Variants in SPACA1 observed in about 807,000 individuals in gnomAD.
The protein encoded by SPACA1 is sperm acrosome associated 1.
Under a neutral mutation model 32.6 loss-of-function variants are expected in SPACA1, and 17 were observed. The ratio of observed to expected loss-of-function variants is 0.52; its 90% CI spans 0.36 to 0.78. The LOEUF is 0.78. SPACA1 is among the 30% of genes least tolerant of loss of function. SPACA1 has a pLI of 0.01. For synonymous variants in SPACA1, 140 were observed against 138.1 expected, an observed-to-expected ratio of 1.01 and a Z score of -0.10; for missense variants, 363 against 373.4, an observed-to-expected ratio of 0.97 and a Z score of 0.23.
Position 88,066,351 on chromosome 6 carries a change from TAAC to T in SPACA1, c.*19_*21del. 2 of 1,593,984 alleles carry T rather than the reference TAAC, an allele frequency of 1.3e-6. No homozygotes were observed. Among genetic ancestry groups the T allele is most frequent in the South Asian group, 2.3e-5 (2 of 88,274 alleles). ...GAATGAATGATGTTTGAATGATATA[TAAC>T]AAACCAAAGGATATTACAGAATATT... On this transcript the variant is annotated 3_prime_UTR_variant, in exon 7 of 7. Coordinates refer to ENST00000237201, the MANE Select transcript of SPACA1 (RefSeq NM_030960.3).
rs1775821745 is a variant in SPACA1 at position 88,057,136 on chromosome 6, T to C, written c.266-476T>C. On this transcript the variant is annotated intron_variant, in intron 2 of 6. Coordinates refer to ENST00000237201, the MANE Select transcript of SPACA1 (RefSeq NM_030960.3). The stretch of plus-strand genomic sequence containing the variant: ...GAATTTATGGACTGTAAGAAGTACA[T>C]TTTATGTACTCTAAAAAGGAAAAAT... 3.9e-5 allele frequency among the ~76,000 whole-genome samples: 6 copies of C among 152,344 alleles called. No homozygotes were observed. In the South Asian group the frequency reaches 1.2e-3, roughly 32 times the overall value.
At chr6:88,049,468 T>C (rs1775696485) in intron 1 of SPACA1, among the ~76,000 whole-genome samples, 1 of 152,332 alleles carries the variant, frequency 6.6e-6, no homozygotes, top group South Asian at 2.1e-4. Context: ...GTGCTTTTTC[T>C]TGGGGAGCGA....
At chr6:88,048,212 C>T in intron 1 of SPACA1, 99 bp downstream of exon 1, 2 of 1,230,918 alleles carry the variant, frequency 1.6e-6, no homozygotes, top group Non-Finnish European at 2.2e-6. Context: ...GTGTTAACGT[C>T]AGGAGAGCTC....
chr6:88,065,179 C>A (rs890555374), intron 6 of SPACA1, among the ~76,000 whole-genome samples: 1 of 147,800 alleles, frequency 6.8e-6, no homozygotes, highest in Non-Finnish European at 1.5e-5. Flanking sequence ...TGTATACAAA[C>A]GTGTATTATG....
At chr6:88,064,064 T>C (rs1244715885) in intron 5 of SPACA1, 35 bp from the exon 6 acceptor site, 2 of 1,595,332 alleles carry the variant, frequency 1.3e-6, no homozygotes, top group Non-Finnish European at 1.7e-6. Flanking sequence ...TTTTCCTCAG[T>C]AGTAATACTC....
In SPACA1 at chr6:88,048,032, C is replaced by T. The variant is rs1459961259; in HGVS notation, c.127C>T (p.His43Tyr). ...TGCCGTCCAGGATGCCGGCCTGGCC[C>T]ACGAAGGCGAGGGCGAGGAGGAGAC... is the stretch of plus-strand genomic sequence containing the variant. ...TAAVQDAGLAHEGEGEEETEN... is the reference protein window; with the variant it reads ...TAAVQDAGLAYEGEGEEETEN... The change falls in exon 1 of 7, where the codon CAC (histidine) becomes TAC (tyrosine). Residue 43 changes from histidine to tyrosine, a missense_variant. Physicochemically the swap from His to Tyr is moderately conservative, Grantham distance 83 (BLOSUM62 2). Coordinates refer to ENST00000237201, the MANE Select transcript of SPACA1 (RefSeq NM_030960.3). 2.5e-6 allele frequency: 4 copies of T among 1,600,912 alleles called. No individual in the cohort carries two copies. In the Admixed American group the frequency reaches 5.2e-5, roughly 21 times the overall value.
At chr6:88,048,816 CTTGACAGGCTG>C (rs1487315558) in intron 1 of SPACA1, among the ~76,000 whole-genome samples, 2 of 152,136 alleles carry the variant, frequency 1.3e-5, no homozygotes, top group African/African-American at 4.8e-5. Context: ...AGCAATAAAA[CTTGACAGGCTG>C]TTGTACATGT....
chr6:88,059,710 A>G lies in SPACA1; in HGVS notation c.610+122A>G, dbSNP rs572641117. On this transcript the variant is annotated intron_variant, in intron 5 of 6. Transcript: ENST00000237201. Reference sequence around the variant, plus strand: ...CCCCCCAGAGTTTCTGATTCAGTAGATTTGGGATGGGACTGGAACAAGAAT... The same window carrying G: ...CCCCCCAGAGTTTCTGATTCAGTAGGTTTGGGATGGGACTGGAACAAGAAT... 1.9e-4 allele frequency: 192 copies of G among 987,110 alleles called. 1 individual carries two copies. The East Asian group carries it at 5.6e-3, about 29-fold the overall frequency. The allele number at this position is 987,110 out of a possible 1,614,324, so 61.1% of individuals were successfully genotyped here.
chr6:88,057,101 T>C (rs1162711558), intron 2 of SPACA1, among the ~76,000 whole-genome samples: 2 of 152,198 alleles, frequency 1.3e-5, no homozygotes, highest in African/African-American at 4.8e-5. Flanking sequence ...CTATATTCCA[T>C]CAAATCCACG....
At chr6:88,058,014 T>C (rs1775836164) in intron 3 of SPACA1, among the ~76,000 whole-genome samples, 1 of 152,230 alleles carries the variant, frequency 6.6e-6, no homozygotes, top group Non-Finnish European at 1.5e-5. Flanking sequence ...TTTGATGCTT[T>C]GGTCATGTCA....
At chr6:88,049,537 T>C (rs1205801914) in intron 1 of SPACA1, among the ~76,000 whole-genome samples, 1 of 152,214 alleles carries the variant, frequency 6.6e-6, no homozygotes, top group African/African-American at 2.4e-5. Context: ...TCCAGAACCA[T>C]TATTGAAATT....
chr6:88,047,862 C>A lies in SPACA1; in HGVS notation c.-44C>A, dbSNP rs1460092916. 4 of 1,481,916 alleles carry A rather than the reference C, an allele frequency of 2.7e-6. No individual in the cohort carries two copies. Among genetic ancestry groups the A allele is most frequent in the African/African-American group, 2.8e-5 (2 of 71,226 alleles). 91.8% of individuals were successfully genotyped at this position (1,481,916 alleles called of 1,614,324 possible). A position where few individuals can be genotyped will look rare whatever the true frequency, so the allele number is the denominator to read the frequency against. Reference sequence around the variant, plus strand: ...CTTCGACGTACCTGTCCTCAGGAGCCGCGGCGGCGACTGCGCCTCGGACGG... The same window carrying A: ...CTTCGACGTACCTGTCCTCAGGAGCAGCGGCGGCGACTGCGCCTCGGACGG... On this transcript the variant is annotated 5_prime_UTR_variant, in exon 1 of 7. Coordinates refer to ENST00000237201, the MANE Select transcript of SPACA1 (RefSeq NM_030960.3).
intron 2 of SPACA1, among the ~76,000 whole-genome samples, chr6:88,056,543 A>G (rs1775810311): frequency 6.6e-6 from 1 of 152,192 alleles, no homozygotes. Flanking sequence ...AGAAATGCAG[A>G]ATCTCAAACC....
chr6:88,053,017 T>A (rs988050047), intron 1 of SPACA1, among the ~76,000 whole-genome samples: 2 of 152,242 alleles, frequency 1.3e-5, no homozygotes, highest in African/African-American at 4.8e-5. Context: ...AAACAATTTA[T>A]AGAATGCTTT....
At chr6:88,059,139 G>A (rs929249172) in intron 4 of SPACA1, among the ~76,000 whole-genome samples, 2 of 152,148 alleles carry the variant, frequency 1.3e-5, no homozygotes, top group Non-Finnish European at 1.5e-5. Flanking sequence ...TTAATTAAGG[G>A]TTTATTAAGT....
chr6:88,062,918 G>A (rs896520115), intron 5 of SPACA1, among the ~76,000 whole-genome samples: 1 of 152,152 alleles, frequency 6.6e-6, no homozygotes, highest in African/African-American at 2.4e-5. Flanking sequence ...AAAGTTTTAG[G>A]AAAGAAATAT....
At chr6:88,050,882 G>A (rs1775717429) in intron 1 of SPACA1, among the ~76,000 whole-genome samples, 1 of 152,214 alleles carries the variant, frequency 6.6e-6, no homozygotes, top group Non-Finnish European at 1.5e-5. Context: ...AGGGGCGGTG[G>A]CTCACGCCTG....
At chr6:88,056,512 A>G (rs1306708547) in intron 2 of SPACA1, among the ~76,000 whole-genome samples, 1 of 152,192 alleles carries the variant, frequency 6.6e-6, no homozygotes, top group Admixed American at 6.5e-5. Context: ...AGACTGCATC[A>G]GTATCACCTG....
chr6:88,059,577 A>G lies in SPACA1; in HGVS notation c.599A>G (p.Tyr200Cys), dbSNP rs778923812. The G allele has an allele frequency of 2.5e-6, 4 of 1,611,830 alleles. No homozygotes were observed. The highest frequency in any genetic ancestry group is 3.4e-6 in the Non-Finnish European group (4 of 1,179,094). ...EIVATIKFTV[Y>C]TSSELQMRRS... ...GTAGCAACTATTAAATTCACAGTCT[A>G]TACGAGCAGTGGTAAGTGTCCAGCA... Residue 200 changes from tyrosine to cysteine, a missense_variant, in exon 5 of 7, where the codon TAT becomes TGT. Transcript: ENST00000237201.
Sources: allele counts gnomAD v4.1 joint callset (sites outside exome capture counted in the v4.1 genomes callset), GRCh38; gene constraint gnomAD v4.1.1; transcripts MANE v1.5; gene names NCBI Gene and HGNC (gene_info 2026-07-23, HGNC 2026-07-21).